ABHD6: variants seen among roughly 807,000 people sequenced by gnomAD.
ABHD6 encodes monoacylglycerol lipase ABHD6.
In ABHD6, 33 loss-of-function variants were observed where a neutral mutation model predicts 38.8. The observed-to-expected ratio is 0.85, with a 90% confidence interval of 0.64 to 1.14. The LOEUF (loss-of-function observed/expected upper bound fraction) is 1.14, where lower values mean the gene tolerates loss of function less well. Among genes scored for constraint, ABHD6 ranks in the 50% most tolerant of loss-of-function variants. The probability of loss-of-function intolerance (pLI) is 0.00; values close to 1 mark genes in which losing one functional copy is unlikely to be tolerated. For synonymous variants in ABHD6, 147 were observed against 161.6 expected, an observed-to-expected ratio of 0.91 and a Z score of 0.69; for missense variants, 380 against 422.6, an observed-to-expected ratio of 0.90 and a Z score of 0.88.
chr3:58,290,446 T>G (rs62259299), intron 9 of ABHD6, among the ~76,000 whole-genome samples: 1 of 75,340 alleles, frequency 1.3e-5, no homozygotes, highest in Non-Finnish European at 2.6e-5. Context: ...ACCTACCGGA[T>G]GGGGCGGCTG....
rs1361790797 is a variant in ABHD6, at chr3:58,286,906, T to C, written c.837+1453T>C. Among the ~76,000 whole-genome samples, 11 of 105,876 alleles carry C rather than the reference T, an allele frequency of 1.0e-4. No individual in the cohort carries two copies. The East Asian group carries it at 2.1e-3, about 21-fold the overall frequency. The allele number at this position is 105,876 out of a possible 152,430, so 69.5% of individuals were successfully genotyped here. A position where few individuals can be genotyped will look rare whatever the true frequency, so the allele number is the denominator to read the frequency against. On this transcript the variant is annotated intron_variant, in intron 9 of 9. Transcript: ENST00000478253. The stretch of plus-strand genomic sequence containing the variant: ...TATAAGTAGGTATCTTGGAAATCAT[T>C]TTATATCAGCCCAAACAAATCTATT...
chr3:58,287,604 A>G lies in ABHD6; in HGVS notation c.837+2151A>G, dbSNP rs550599389. 1.3e-5 allele frequency among the ~76,000 whole-genome samples: 2 copies of G among 152,328 alleles called. No homozygotes were observed. The highest frequency in any genetic ancestry group is 3.9e-4 in the East Asian group (2 of 5,182). Reference sequence around the variant, plus strand: ...AGAAGCTTTGTTTGTGCCCTGGGCTATGCCAGCAGAGAGTCATTTGATCAG... The same window carrying G: ...AGAAGCTTTGTTTGTGCCCTGGGCTGTGCCAGCAGAGAGTCATTTGATCAG... On this transcript the variant is annotated intron_variant, in intron 9 of 9. Transcript: ENST00000478253. The surrounding 1 kb of genome is among the most constrained non-coding windows in gnomAD (Gnocchi z 4.7).
intron 1 of ABHD6, among the ~76,000 whole-genome samples, chr3:58,242,758 C>T (rs569700457): frequency 6.6e-6 from 1 of 152,244 alleles, no homozygotes; most frequent in South Asian, 2.1e-4. Flanking sequence ...TTCTAGGGTA[C>T]ATGTGCACAA....
intron 3 of ABHD6, among the ~76,000 whole-genome samples, chr3:58,260,021 C>T (rs1242364667): frequency 6.6e-6 from 1 of 152,230 alleles, no homozygotes; most frequent in Non-Finnish European, 1.5e-5. Context: ...ATCACTCCTT[C>T]ACTTTCTGTT....
chr3:58,255,887 C>G (rs549818790), intron 2 of ABHD6, among the ~76,000 whole-genome samples: 1 of 151,992 alleles, frequency 6.6e-6, no homozygotes, highest in East Asian at 1.9e-4. Flanking sequence ...TTAAGTGATC[C>G]GCCCACCTCA....
intron 9 of ABHD6, among the ~76,000 whole-genome samples, chr3:58,286,844 G>GTATATATATATATATGTATATATATA (rs1553721712): frequency 2.0e-5 from 1 of 50,068 alleles, no homozygotes; most frequent in African/African-American, 1.1e-4. Context: ...GTGTGTGTGT[G>GTATATATATATATATGTATATATATA]TGTGTGTGTA....
chr3:58,240,793 C>T (rs566856807), intron 1 of ABHD6, among the ~76,000 whole-genome samples: 31 of 147,404 alleles, frequency 2.1e-4, no homozygotes, highest in Admixed American at 1.0e-3. Flanking sequence ...TGCAGTAGCG[C>T]GATCTCGGCT....
rs2097446265 is a variant in ABHD6 at position 58,273,199 on chromosome 3, A to G, written c.524-1459A>G. The stretch of plus-strand genomic sequence containing the variant: ...AGGGTTTGCTGGACATAGATTTGCA[A>G]AGCGTGGGTTTCTGCATCACGACCA... On this transcript the variant is annotated intron_variant, in intron 6 of 9. Transcript: ENST00000478253. The surrounding 1 kb of genome is among the most constrained non-coding windows in gnomAD (Gnocchi z 4.8). 6.6e-6 allele frequency among the ~76,000 whole-genome samples: 1 copy of G among 152,132 alleles called. No individual in the cohort carries two copies. The highest frequency in any genetic ancestry group is 2.4e-5 in the African/African-American group (1 of 41,420).
Position 58,294,401 on chromosome 3 carries a change from G to A in ABHD6, c.*636G>A, listed in dbSNP as rs1034249940. 5.2e-5 allele frequency: 8 copies of A among 152,472 alleles called. No homozygotes were observed. The highest frequency in any genetic ancestry group is 1.7e-4 in the African/African-American group (7 of 41,262). 9.4% of individuals were successfully genotyped at this position (152,472 alleles called of 1,614,324 possible). On this transcript the variant is annotated 3_prime_UTR_variant, in exon 10 of 10. Transcript: ENST00000478253. ...GGTTCATTCAGCACCCACCAGTCAG[G>A]TATGTTCTGAGTGAACCCACAGCAG... is the stretch of plus-strand genomic sequence containing the variant.
In ABHD6 at chr3:58,269,731, A is replaced by G. The variant is rs1255771196; in HGVS notation, c.390+297A>G. Among the ~76,000 whole-genome samples the G allele has an allele frequency of 6.6e-6, 1 of 152,190 alleles. No individual in the cohort carries two copies. Among genetic ancestry groups the G allele is most frequent in the Non-Finnish European group, 1.5e-5 (1 of 68,010 alleles). ...ATTTCTTAAAACCAATTCCCTTCCTAGGGATCTCTCTTTCTGCTCACCAGT... is the reference window on the plus strand; with the variant it reads ...ATTTCTTAAAACCAATTCCCTTCCTGGGGATCTCTCTTTCTGCTCACCAGT... On this transcript the variant is annotated intron_variant, in intron 5 of 9. Coordinates refer to ENST00000478253, the MANE Select transcript of ABHD6 (RefSeq NM_001320126.2). This position sits in a 1 kb window ranked among gnomAD's most constrained non-coding sequence, Gnocchi z 4.4.
intron 9 of ABHD6, among the ~76,000 whole-genome samples, chr3:58,288,506 TC>T (rs1436820253): frequency 6.6e-6 from 1 of 152,130 alleles, no homozygotes; most frequent in Non-Finnish European, 1.5e-5. Flanking sequence ...TTATGTCCCT[TC>T]TCCCTGCCAG....
intron 7 of ABHD6, among the ~76,000 whole-genome samples, chr3:58,277,804 G>A (rs2107463888): frequency 6.6e-6 from 1 of 152,232 alleles, no homozygotes; most frequent in Non-Finnish European, 1.5e-5. Context: ...AGTTTATTGA[G>A]AGTTTTTAGC....
intron 7 of ABHD6, among the ~76,000 whole-genome samples, chr3:58,280,887 G>A (rs565704637): frequency 1.5e-4 from 23 of 152,256 alleles, no homozygotes; most frequent in African/African-American, 3.8e-4. Flanking sequence ...CTGGAGGTCC[G>A]CTCCAGACCC....
chr3:58,268,265 A>AT (rs1298155100), intron 4 of ABHD6, among the ~76,000 whole-genome samples: 4 of 151,850 alleles, frequency 2.6e-5, no homozygotes, highest in South Asian at 2.1e-4. Context: ...TTGAAAAGTC[A>AT]TTTTTTTTGT....
At chr3:58,247,087 A>C (rs573623212) in intron 1 of ABHD6, among the ~76,000 whole-genome samples, 34 of 149,698 alleles carry the variant, frequency 2.3e-4, no homozygotes, top group African/African-American at 8.2e-4. Flanking sequence ...CCCAGGCTGC[A>C]GTGCAGTGCA....
chr3:58,265,141 G>A lies in ABHD6; in HGVS notation c.120-2048G>A, dbSNP rs569909028. On this transcript the variant is annotated intron_variant, in intron 3 of 9. Transcript: ENST00000478253. The surrounding 1 kb of genome is among the most constrained non-coding windows in gnomAD (Gnocchi z 4.2). ...TTTTAGATCCCATAAATAAGTGAGA[G>A]CATGTGATGTTTGTCTTTCTGTGTC... Among the ~76,000 whole-genome samples, 27 of 152,250 alleles carry A rather than the reference G, an allele frequency of 1.8e-4. 1 individual carries two copies. The highest frequency in any genetic ancestry group is 5.8e-4 in the African/African-American group (24 of 41,556).
chr3:58,262,829 G>A (rs2097437949), intron 3 of ABHD6, among the ~76,000 whole-genome samples: 1 of 152,162 alleles, frequency 6.6e-6, no homozygotes, highest in Non-Finnish European at 1.5e-5. Flanking sequence ...CAACACTTTG[G>A]GAGGCTGAGG....
intron 3 of ABHD6, among the ~76,000 whole-genome samples, chr3:58,262,289 C>A (rs1443308523): frequency 6.6e-6 from 1 of 152,092 alleles, no homozygotes; most frequent in East Asian, 1.9e-4. Context: ...TGTCATTGAT[C>A]GTACACTTGT....
intron 3 of ABHD6, among the ~76,000 whole-genome samples, chr3:58,258,863 C>T (rs775306858): frequency 4.6e-5 from 7 of 152,134 alleles, no homozygotes; most frequent in Non-Finnish European, 1.0e-4. Context: ...GGAGTTGTGA[C>T]CCCCTCCCAA....
Sources: allele counts gnomAD v4.1 joint callset (sites outside exome capture counted in the v4.1 genomes callset), GRCh38; gene constraint gnomAD v4.1.1; non-coding constraint Gnocchi (gnomAD v3.1); transcripts MANE v1.5; gene names NCBI Gene and HGNC (gene_info 2026-07-23, HGNC 2026-07-21).